The following GPHN variants were observed in gnomAD, a reference collection of about 807,000 sequenced individuals.
GPHN encodes the protein gephyrin.
Under a neutral mutation model 95.5 loss-of-function variants are expected in GPHN, and 17 were observed. The ratio of observed to expected loss-of-function variants is 0.18; its 90% confidence interval spans 0.12 to 0.27. The LOEUF (loss-of-function observed/expected upper bound fraction) is 0.27, where lower values mean the gene tolerates loss of function less well. GPHN is among the 10% of genes least tolerant of loss of function. The pLI, the probability that GPHN is intolerant of heterozygous loss-of-function variation, is 1.00. For missense variants in GPHN, 660 were observed against 978.1 expected (o/e 0.67, Z 4.34); for synonymous variants, 320 against 322.5 (o/e 0.99, Z 0.08).
the GPHN span, among the ~76,000 whole-genome samples, chr14:67,280,419 G>GTCATCA: frequency 6.6e-6 from 1 of 152,134 alleles, no homozygotes; most frequent in Admixed American, 6.5e-5. Context: ...TATTGTCATT[G>GTCATCA]TCATCATTTT....
At chr14:67,485,786 G>A in the GPHN span, among the ~76,000 whole-genome samples, 7 of 152,368 alleles carry the variant, frequency 4.6e-5, no homozygotes, top group Middle Eastern at 3.4e-3. Flanking sequence ...GCAGGGCTGT[G>A]CAGTTAGGAG....
chr14:66,814,028 T>C (rs1385470888), intron 3 of GPHN, among the ~76,000 whole-genome samples: 1 of 152,144 alleles, frequency 6.6e-6, no homozygotes, highest in South Asian at 2.1e-4. Flanking sequence ...CACATCACTT[T>C]GCTGATGCAT....
chr14:66,550,419 A>C (rs1032391451), intron 1 of GPHN, among the ~76,000 whole-genome samples: 2 of 152,222 alleles, frequency 1.3e-5, no homozygotes, highest in Non-Finnish European at 2.9e-5. Context: ...GGAATGGATG[A>C]AGAGTTGCTT....
intron 2 of GPHN, among the ~76,000 whole-genome samples, chr14:66,711,861 G>T (rs2069671926): frequency 6.6e-6 from 1 of 151,826 alleles, no homozygotes; most frequent in Non-Finnish European, 1.5e-5. Flanking sequence ...TGTCCTTGTG[G>T]TGGTTTGCTG....
At chr14:66,903,797 G>A (rs2065236300) in intron 5 of GPHN, among the ~76,000 whole-genome samples, 2 of 151,702 alleles carry the variant, frequency 1.3e-5, no homozygotes, top group Non-Finnish European at 2.9e-5. Flanking sequence ...TTTATTTTTA[G>A]TTAATCTGTT....
chr14:67,589,903 AC>A, the GPHN span: 1 of 1,270,892 alleles, frequency 7.9e-7, no homozygotes, highest in South Asian at 3.1e-5. Context: ...ACTATAATAC[AC>A]GGAAATATAC....
the GPHN span, among the ~76,000 whole-genome samples, chr14:67,223,129 A>T: frequency 9.2e-5 from 14 of 151,752 alleles, no homozygotes; most frequent in African/African-American, 3.4e-4. Context: ...CCTCCCAAGT[A>T]GCTGGGATTA....
intron 9 of GPHN, among the ~76,000 whole-genome samples, chr14:66,981,477 A>C (rs1350287099): frequency 6.6e-6 from 1 of 152,168 alleles, no homozygotes; most frequent in Non-Finnish European, 1.5e-5. Flanking sequence ...TTAAAAAAAA[A>C]ATCTCTTTCT....
At chr14:67,590,063 C>A in the GPHN span, 1 of 1,546,974 alleles carries the variant, frequency 6.5e-7, no homozygotes, top group Non-Finnish European at 8.7e-7. Flanking sequence ...CAATGCTGGC[C>A]TTCTGAACGC....
At chr14:67,615,733 G>A in the GPHN span, 2 of 481,832 alleles carry the variant, frequency 4.2e-6, no homozygotes, top group Non-Finnish European at 8.0e-6. Context: ...TCCTAAAGGG[G>A]AGACAAAAAA....
the GPHN span, chr14:67,333,614 AC>A: frequency 6.5e-6 from 1 of 152,686 alleles, no homozygotes; most frequent in Non-Finnish European, 1.5e-5. Flanking sequence ...TGTGGATCAG[AC>A]TCTACACTCA....
the GPHN span, chr14:67,241,196 G>T: frequency 6.6e-6 from 1 of 152,230 alleles, no homozygotes; most frequent in Admixed American, 6.5e-5. Context: ...GCTCCGGCTC[G>T]GGATTGGGCA....
At chr14:67,585,822 T>G in the GPHN span, 1 of 1,100,956 alleles carries the variant, frequency 9.1e-7, no homozygotes, top group Non-Finnish European at 1.3e-6. Flanking sequence ...ATATTCAAGA[T>G]GGAGATCTCC....
In GPHN at chr14:67,051,921, T is replaced by C. The variant is rs186560977; in HGVS notation, c.1007-6728T>C. On this transcript the variant is annotated intron_variant, in intron 10 of 22. Transcript: ENST00000478722. ...CAGAAAAACAAATACTGAGGGAATT[T>C]GTCACCACCAGGCCTGCCTTGCAGG... Among the ~76,000 whole-genome samples, 212 of 152,292 alleles carry C rather than the reference T, an allele frequency of 1.4e-3. 4 individuals are homozygous for C. The highest frequency in any genetic ancestry group is 1.9e-4 in the Non-Finnish European group (13 of 68,024).
the GPHN span, among the ~76,000 whole-genome samples, chr14:67,350,332 C>G: frequency 6.6e-6 from 1 of 151,974 alleles, no homozygotes; most frequent in African/African-American, 2.4e-5. Context: ...TGAGAAAGAT[C>G]ATACAGCCAT....
intron 8 of GPHN, among the ~76,000 whole-genome samples, chr14:66,956,517 C>T (rs892650770): frequency 6.6e-5 from 10 of 151,844 alleles, no homozygotes; most frequent in African/African-American, 2.4e-4. Context: ...TAAAAGTGTT[C>T]CTATTTCTCC....
At chr14:67,273,299 T>C in the GPHN span, among the ~76,000 whole-genome samples, 1 of 144,366 alleles carries the variant, frequency 6.9e-6, no homozygotes, top group Non-Finnish European at 1.5e-5. Context: ...CAGGCCCCGA[T>C]GTGTGATGTT....
chr14:66,726,119 A>G (rs960973327), intron 2 of GPHN, among the ~76,000 whole-genome samples: 1 of 152,222 alleles, frequency 6.6e-6, no homozygotes, highest in Non-Finnish European at 1.5e-5. Flanking sequence ...TAAATTAACA[A>G]ATAGTGCCAA....
intron 2 of GPHN, among the ~76,000 whole-genome samples, chr14:66,714,930 G>A (rs1036562349): frequency 6.6e-6 from 1 of 152,070 alleles, no homozygotes; most frequent in Non-Finnish European, 1.5e-5. Flanking sequence ...ATATTGGTCT[G>A]TAGTTTTCTT....
Sources: gnomAD v4.1 joint callset for allele counts (sites outside exome capture counted in the v4.1 genomes callset) on GRCh38, gnomAD v4.1.1 for gene constraint, MANE v1.5 for transcripts, NCBI Gene and HGNC (gene_info 2026-07-23, HGNC 2026-07-21) for gene names.